The following SFMBT2 variants were observed in gnomAD, a reference collection of about 807,000 sequenced individuals.
SFMBT2 encodes the protein Scm like with four mbt domains 2.
In SFMBT2, 38 loss-of-function variants were observed where a neutral mutation model predicts 110.1. That is an observed-to-expected ratio of 0.35 (90% CI 0.27 to 0.45). SFMBT2 has a LOEUF of 0.45. Among genes scored for constraint, SFMBT2 ranks in the 20% least tolerant of loss-of-function variants. The pLI is 1.00. For missense variants in SFMBT2, 1,011 were observed against 1,094.9 expected, an observed-to-expected ratio of 0.92 and a Z score of 1.08; for synonymous variants, 425 against 425.4, an observed-to-expected ratio of 1.00 and a Z score of 0.01.
intron 1 of SFMBT2, among the ~76,000 whole-genome samples, chr10:7,401,331 C>G (rs1846077175): frequency 6.6e-6 from 1 of 152,138 alleles, no homozygotes; most frequent in South Asian, 2.1e-4. Context: ...TCAACCATAA[C>G]ATTCGTGTTG....
intron 16 of SFMBT2, among the ~76,000 whole-genome samples, chr10:7,180,142 A>C (rs1588771754): frequency 7.3e-6 from 1 of 137,174 alleles, no homozygotes; most frequent in Non-Finnish European, 1.6e-5. Context: ...GCTTTTTTTG[A>C]GACAGGGTCT....
chr10:7,200,518 A>G, intron 13 of SFMBT2, 34 bp from the exon 14 acceptor site: 1 of 1,561,098 alleles, frequency 6.4e-7, no homozygotes, highest in Non-Finnish European at 8.7e-7. Flanking sequence ...ATCAGGGACC[A>G]CAAGCTTTAG....
At position 7,408,269 on chromosome 10, in the gene SFMBT2, C is replaced by T. The variant is rs1367463110; in HGVS notation, c.-52+2592G>A. Reference sequence around the variant, plus strand: ...AAACGCAGGCTGGAGGAGCCACGGACGCGTCCTGGCCGGCGTGTCGCCATC... The same window carrying T: ...AAACGCAGGCTGGAGGAGCCACGGATGCGTCCTGGCCGGCGTGTCGCCATC... On this transcript the variant is annotated intron_variant, in intron 1 of 20. Coordinates refer to ENST00000397167, the MANE Select transcript of SFMBT2 (RefSeq NM_001387889.1). This position sits in a 1 kb window ranked among gnomAD's most constrained non-coding sequence, Gnocchi z 5.7. 1.3e-5 allele frequency among the ~76,000 whole-genome samples: 2 copies of T among 152,218 alleles called. No homozygotes were observed. The highest frequency in any genetic ancestry group is 2.9e-5 in the Non-Finnish European group (2 of 68,048).
chr10:7,380,216 T>C (rs1304272290), intron 2 of SFMBT2, among the ~76,000 whole-genome samples: 3 of 152,214 alleles, frequency 2.0e-5, no homozygotes, highest in Non-Finnish European at 2.9e-5. Context: ...CTATGCCTTC[T>C]CAGAAAATAA....
At chr10:7,246,517 G>A (rs1283802923) in intron 8 of SFMBT2, among the ~76,000 whole-genome samples, 4 of 151,906 alleles carry the variant, frequency 2.6e-5, no homozygotes, top group East Asian at 1.9e-4. Flanking sequence ...TCAGGAGTTC[G>A]AGACCAGCCT....
intron 7 of SFMBT2, among the ~76,000 whole-genome samples, chr10:7,258,906 T>C (rs970440191): frequency 6.6e-6 from 1 of 152,254 alleles, no homozygotes; most frequent in African/African-American, 2.4e-5. Context: ...TTAAAATCTA[T>C]TGCTGAACAC....
intron 7 of SFMBT2, among the ~76,000 whole-genome samples, chr10:7,270,711 T>C (rs1443918834): frequency 1.3e-5 from 2 of 152,200 alleles, no homozygotes; most frequent in African/African-American, 4.8e-5. Flanking sequence ...AATGCTCACA[T>C]ACCCTACCAA....
At chr10:7,193,464 C>T (rs76823580) in intron 15 of SFMBT2, among the ~76,000 whole-genome samples, 9,432 of 152,318 alleles carry the variant, frequency 0.062, 402 homozygotes, top group Non-Finnish European at 0.088. Flanking sequence ...AATGTCCCCC[C>T]ACCATGATGT....
chr10:7,319,438 G>A (rs1277874320), intron 4 of SFMBT2, among the ~76,000 whole-genome samples: 1 of 152,190 alleles, frequency 6.6e-6, no homozygotes, highest in South Asian at 2.1e-4. Context: ...TGGGACACAA[G>A]TCTGTTCTTA....
intron 4 of SFMBT2, among the ~76,000 whole-genome samples, chr10:7,287,850 G>C (rs1162238665): frequency 6.6e-6 from 1 of 152,212 alleles, no homozygotes; most frequent in African/African-American, 2.4e-5. Context: ...CTGGATGCAT[G>C]ACTTTGAATA....
intron 7 of SFMBT2, among the ~76,000 whole-genome samples, chr10:7,257,760 G>A (rs1841074098): frequency 6.6e-6 from 1 of 152,142 alleles, no homozygotes; most frequent in South Asian, 2.1e-4. Flanking sequence ...AATAGCTAAT[G>A]CCTCTTCCCA....
In SFMBT2 at chr10:7,170,450, G is replaced by A. The variant is rs1212532040; in HGVS notation, c.2544+478C>T. On this transcript the variant is annotated intron_variant, in intron 20 of 20. Transcript: ENST00000397167. The surrounding 1 kb of genome is among the most constrained non-coding windows in gnomAD (Gnocchi z 4.6). The stretch of plus-strand genomic sequence containing the variant: ...ACTGAGAGCAGCCAAGGCAGAGTGT[G>A]CTATCCTGACTTCCGGCCTGGCCAG... 2.0e-5 allele frequency among the ~76,000 whole-genome samples: 3 copies of A among 152,198 alleles called. No homozygotes were observed. The highest frequency in any genetic ancestry group is 4.4e-5 in the Non-Finnish European group (3 of 68,026).
chr10:7,234,553 A>G (rs1840200486), intron 9 of SFMBT2, among the ~76,000 whole-genome samples: 1 of 152,154 alleles, frequency 6.6e-6, no homozygotes, highest in African/African-American at 2.4e-5. Context: ...AATCAGAAGT[A>G]TTTTCAGATA....
intron 4 of SFMBT2, among the ~76,000 whole-genome samples, chr10:7,310,157 A>T (rs1305899315): frequency 6.6e-6 from 1 of 152,240 alleles, no homozygotes; most frequent in Non-Finnish European, 1.5e-5. Flanking sequence ...GCACCTGGTG[A>T]ACAGTTTCAA....
intron 20 of SFMBT2, among the ~76,000 whole-genome samples, chr10:7,164,634 A>G (rs934864603): frequency 6.6e-6 from 1 of 152,022 alleles, no homozygotes; most frequent in African/African-American, 2.4e-5. Flanking sequence ...ATCTCTACTA[A>G]AAGACAAGGC....
At chr10:7,308,353 C>G (rs1037754822) in intron 4 of SFMBT2, among the ~76,000 whole-genome samples, 4 of 151,704 alleles carry the variant, frequency 2.6e-5, no homozygotes, top group African/African-American at 4.9e-5. Flanking sequence ...GAGAGAGACC[C>G]CATCTCAAAA....
intron 11 of SFMBT2, 114 bp from the exon 12 acceptor site, chr10:7,206,042 T>TA: frequency 1.4e-6 from 2 of 1,418,716 alleles, no homozygotes; most frequent in South Asian, 3.2e-5. Context: ...CTTTATACAT[T>TA]AAAAAACAAA....
At chr10:7,216,379 G>GCC (rs1276893365) in intron 11 of SFMBT2, among the ~76,000 whole-genome samples, 8 of 152,198 alleles carry the variant, frequency 5.3e-5, no homozygotes, top group Non-Finnish European at 1.5e-5. Flanking sequence ...AGATCTGATG[G>GCC]TTTTAGAAGG....
At chr10:7,391,438 C>G (rs1220967869) in intron 1 of SFMBT2, among the ~76,000 whole-genome samples, 1 of 151,058 alleles carries the variant, frequency 6.6e-6, no homozygotes, top group Non-Finnish European at 1.5e-5. Flanking sequence ...TGCACTCCAG[C>G]CTGGGCAACA....
Sources: gnomAD v4.1 joint callset for allele counts (sites outside exome capture counted in the v4.1 genomes callset) on GRCh38, gnomAD v4.1.1 for gene constraint, Gnocchi (gnomAD v3.1) non-coding constraint, MANE v1.5 for transcripts, NCBI Gene and HGNC (gene_info 2026-07-23, HGNC 2026-07-21) for gene names.